SNORC: variants seen among roughly 807,000 people sequenced by gnomAD.
SNORC encodes the protein protein SNORC.
In SNORC, 11 loss-of-function variants were observed where a neutral mutation model predicts 9.7. That is an observed-to-expected ratio of 1.14 (90% CI 0.72 to 1.88). The LOEUF (loss-of-function observed/expected upper bound fraction) is 1.88, where lower values mean the gene tolerates loss of function less well. Ranked by LOEUF, SNORC falls within the 40% of genes most tolerant of loss-of-function variation. The pLI, the probability that SNORC is intolerant of heterozygous loss-of-function variation, is 0.00. For synonymous variants in SNORC, 108 were observed against 88.7 expected (o/e 1.22, Z -1.22); for missense variants, 197 against 173.1 (o/e 1.14, Z -0.77).
At chr2:232,872,627 G>A (rs897740984) in intron 1 of SNORC, among the ~76,000 whole-genome samples, 1 of 152,116 alleles carries the variant, frequency 6.6e-6, no homozygotes, top group Non-Finnish European at 1.5e-5. Flanking sequence ...CCACCTCTTT[G>A]CCAACCTCAC....
chr2:232,875,835 C>A (rs1366253130), intron 1 of SNORC, 105 bp from the exon 2 acceptor site: 5 of 1,183,762 alleles, frequency 4.2e-6, no homozygotes. Flanking sequence ...TGAGCCCAGA[C>A]CCCTCACACA....
At chr2:232,872,164 G>A (rs1574971058) in intron 1 of SNORC, among the ~76,000 whole-genome samples, 1 of 152,226 alleles carries the variant, frequency 6.6e-6, no homozygotes, top group Non-Finnish European at 1.5e-5. Flanking sequence ...GGACAGGTGT[G>A]TACACGGCCC....
At chr2:232,875,912 G>A (rs1404480268) in intron 1 of SNORC, 28 bp from the exon 2 acceptor site, 2 of 1,527,066 alleles carry the variant, frequency 1.3e-6, no homozygotes, top group Non-Finnish European at 1.8e-6. Context: ...GTCACCTGGG[G>A]CCCCAGCACC....
upstream of SNORC, chr2:232,869,038 T>C (rs1203832371): frequency 6.6e-6 from 1 of 152,184 alleles, no homozygotes; most frequent in Non-Finnish European, 1.5e-5. Context: ...TTGTGCTTGC[T>C]CTCCCTAGGA....
rs1261306891 is a variant in SNORC at position 232,875,934 on chromosome 2, T to A, written c.74-6T>A. On this transcript the variant is annotated splice_polypyrimidine_tract_variant and splice_region_variant and intron_variant, in intron 1 of 2. Transcript: ENST00000331342. ...GGGGCCCCAGCACCTCTCCTTGGCT[T>A]TGCAGACGATGTTCCACAGGAGCCC... 6.5e-7 allele frequency: 1 copy of A among 1,548,608 alleles called. No individual in the cohort carries two copies. Among genetic ancestry groups the A allele is most frequent in the East Asian group, 2.4e-5 (1 of 41,002 alleles).
At chr2:232,872,171 GC>G (rs1247618219) in intron 1 of SNORC, among the ~76,000 whole-genome samples, 5 of 152,120 alleles carry the variant, frequency 3.3e-5, no homozygotes, top group Admixed American at 3.3e-4. Flanking sequence ...TGTGTACACG[GC>G]CCTGGGCTCT....
upstream of SNORC, chr2:232,868,961 C>G (rs977593977): frequency 1.3e-5 from 2 of 152,200 alleles, no homozygotes; most frequent in African/African-American, 4.8e-5. Context: ...TAACTTGATA[C>G]TAATTTATTG....
upstream of SNORC, among the ~76,000 whole-genome samples, chr2:232,867,044 C>T (rs757548754): frequency 7.9e-5 from 12 of 152,188 alleles, no homozygotes; most frequent in East Asian, 1.9e-4. Flanking sequence ...CCTCCCATCT[C>T]GGCCTCCCAA....
upstream of SNORC, among the ~76,000 whole-genome samples, chr2:232,867,662 T>C (rs1372312771): frequency 6.6e-6 from 1 of 152,216 alleles, no homozygotes; most frequent in Non-Finnish European, 1.5e-5. Flanking sequence ...GCCTGCCTCG[T>C]CCTGCCTCCC....
At chr2:232,867,223 C>T (rs575866692), upstream of SNORC, among the ~76,000 whole-genome samples, 7 of 152,298 alleles carry the variant, frequency 4.6e-5, no homozygotes, top group South Asian at 8.3e-4. Flanking sequence ...ACCTGTCTGT[C>T]GAATGACTAG....
Position 232,875,921 on chromosome 2 carries a change from C to T in SNORC, c.74-19C>T, listed in dbSNP as rs1373050581. 3.9e-6 allele frequency: 6 copies of T among 1,539,282 alleles called. No individual in the cohort carries two copies. The African/African-American group carries it at 6.9e-5, about 18-fold the overall frequency. ...GGCCCCGTCACCTGGGGCCCCAGCA[C>T]CTCTCCTTGGCTTTGCAGACGATGT... On this transcript the variant is annotated intron_variant, in intron 1 of 2. Transcript: ENST00000331342.
At chr2:232,873,469 G>C (rs1691106303) in intron 1 of SNORC, among the ~76,000 whole-genome samples, 1 of 152,178 alleles carries the variant, frequency 6.6e-6, no homozygotes, top group South Asian at 2.1e-4. Context: ...TGGGTACTGA[G>C]CCCTGCCTTC....
At chr2:232,869,021 T>C (rs1240972306), upstream of SNORC, 1 of 152,230 alleles carries the variant, frequency 6.6e-6, no homozygotes, top group African/African-American at 2.4e-5. Context: ...TCCTCCTAAG[T>C]CAGACTTTGT....
At chr2:232,867,165 T>G (rs749039163), upstream of SNORC, among the ~76,000 whole-genome samples, 10 of 152,242 alleles carry the variant, frequency 6.6e-5, no homozygotes, top group Non-Finnish European at 1.2e-4. Flanking sequence ...ATTGGGTTTA[T>G]TTCTAAAAAA....
chr2:232,876,029 G>A lies in SNORC; in HGVS notation c.163G>A (p.Gly55Ser), dbSNP rs778275837. The A allele has an allele frequency of 9.1e-6, 14 of 1,545,960 alleles. No homozygotes were observed. Among genetic ancestry groups the A allele is most frequent in the East Asian group, 4.9e-5 (2 of 41,174 alleles). Reference sequence around the variant, plus strand: ...AGGCCCCGTGGAGAGCACCAGCCCCGGCCGGGAGCCCGTGGACACCGGTCC... The same window carrying A: ...AGGCCCCGTGGAGAGCACCAGCCCCAGCCGGGAGCCCGTGGACACCGGTCC... The change falls in exon 2 of 3, where the codon GGC (glycine) becomes AGC (serine). Residue 55 changes from glycine (G) to serine (S), a missense_variant. Physicochemically the swap from Gly to Ser is moderately conservative, Grantham distance 56. Transcript: ENST00000331342. This position sits in a 1 kb window ranked among gnomAD's most constrained non-coding sequence, Gnocchi z 6.8.
At position 232,876,097 on chromosome 2, in the gene SNORC, G is replaced by A; in HGVS notation, c.231G>A (p.Ala77=). ...CGCCAGGACCCGAGGACAGCACCGC[G>A]CAGGAGCGGCTGGACCAGGGCGGCG... is the stretch of plus-strand genomic sequence containing the variant. Residue 77 remains alanine, a synonymous_variant, in exon 2 of 3, where the codon GCG becomes GCA. Transcript: ENST00000331342. The surrounding 1 kb of genome is among the most constrained non-coding windows in gnomAD (Gnocchi z 6.8). The A allele has an allele frequency of 6.6e-7, 1 of 1,507,588 alleles. No individual in the cohort carries two copies. The highest frequency in any genetic ancestry group is 1.4e-5 in the African/African-American group (1 of 69,982). The allele number at this position is 1,507,588 out of a possible 1,614,324, so 93.4% of individuals were successfully genotyped here.
At chr2:232,876,536 C>G, downstream of SNORC, 9 of 1,200,082 alleles carry the variant, frequency 7.5e-6, no homozygotes, top group Non-Finnish European at 9.3e-6. This position sits in a 1 kb window ranked among gnomAD's most constrained non-coding sequence, Gnocchi z 6.8. Flanking sequence ...GCGCGCGGGT[C>G]CGGAGGCGCG....
chr2:232,876,707 G>T, downstream of SNORC: 3 of 989,666 alleles, frequency 3.0e-6, no homozygotes, highest in Non-Finnish European at 3.6e-6. The surrounding 1 kb of genome is among the most constrained non-coding windows in gnomAD (Gnocchi z 6.8). Flanking sequence ...GTGCGTGCCC[G>T]GTGCGCGTGC....
intron 1 of SNORC, among the ~76,000 whole-genome samples, chr2:232,873,016 G>A (rs1159106622): frequency 6.6e-6 from 1 of 152,056 alleles, no homozygotes; most frequent in Admixed American, 6.6e-5. Flanking sequence ...TGGCCGCTTG[G>A]GTGCAGATGG....
Sources: allele counts gnomAD v4.1 joint callset (sites outside exome capture counted in the v4.1 genomes callset), GRCh38; gene constraint gnomAD v4.1.1; non-coding constraint Gnocchi (gnomAD v3.1); transcripts MANE v1.5; gene names NCBI Gene and HGNC (gene_info 2026-07-23, HGNC 2026-07-21).